Variants in DLG2 observed in about 807,000 individuals in gnomAD.
The protein encoded by DLG2 is disks large homolog 2.
A neutral mutation model predicts 132.5 loss-of-function variants in DLG2; 45 were observed. The ratio of observed to expected loss-of-function variants is 0.34; its 90% CI spans 0.27 to 0.44. The LOEUF is 0.44. Among genes scored for constraint, DLG2 ranks in the 20% least tolerant of loss-of-function variants. DLG2 has a pLI of 1.00. For synonymous variants in DLG2, 424 were observed against 419.6 expected, an observed-to-expected ratio of 1.01 and a Z score of -0.13; for missense variants, 1,045 against 1,196.9, an observed-to-expected ratio of 0.87 and a Z score of 1.87.
intron 18 of DLG2, among the ~76,000 whole-genome samples, chr11:83,667,036 A>G (rs1222203406): frequency 1.3e-5 from 2 of 152,220 alleles, no homozygotes; most frequent in East Asian, 1.9e-4. Flanking sequence ...TCAACGCTTT[A>G]TCTTTCCTTA....
intron 14 of DLG2, among the ~76,000 whole-genome samples, chr11:83,959,573 T>A (rs1458072001): frequency 1.3e-5 from 2 of 152,134 alleles, no homozygotes. Flanking sequence ...ACAACATTCG[T>A]GCATGTTAAC....
At chr11:84,034,491 T>G (rs2095806175) in intron 11 of DLG2, among the ~76,000 whole-genome samples, 1 of 152,204 alleles carries the variant, frequency 6.6e-6, no homozygotes, top group Non-Finnish European at 1.5e-5. Context: ...TCAAAAATTT[T>G]GAAGCTTTTC....
At chr11:83,700,012 A>C (rs574383623) in intron 18 of DLG2, among the ~76,000 whole-genome samples, 1 of 151,688 alleles carries the variant, frequency 6.6e-6, no homozygotes, top group East Asian at 1.9e-4. Flanking sequence ...AAGATACACA[A>C]AAACCTAAAA....
At chr11:84,374,478 A>C (rs1326055192) in intron 7 of DLG2, among the ~76,000 whole-genome samples, 4 of 152,190 alleles carry the variant, frequency 2.6e-5, no homozygotes, top group African/African-American at 7.2e-5. Flanking sequence ...GAGATTTTTT[A>C]ATCTGTGATT....
chr11:85,104,792 A>G (rs868223009), intron 6 of DLG2, among the ~76,000 whole-genome samples: 2 of 151,370 alleles, frequency 1.3e-5, no homozygotes, highest in African/African-American at 2.4e-5. Context: ...AGCACAAACA[A>G]AAAATCCCAA....
At chr11:85,117,766 G>A (rs2073835079) in intron 5 of DLG2, among the ~76,000 whole-genome samples, 1 of 151,872 alleles carries the variant, frequency 6.6e-6, no homozygotes, top group Admixed American at 6.6e-5. Context: ...TCTGGAATGT[G>A]TTCAGAATTT....
chr11:84,200,056 A>G (rs960821886), intron 8 of DLG2, among the ~76,000 whole-genome samples: 4 of 152,124 alleles, frequency 2.6e-5, no homozygotes, highest in African/African-American at 9.7e-5. Flanking sequence ...GAATAAAAAG[A>G]TATGTCACAT....
intron 4 of DLG2, among the ~76,000 whole-genome samples, chr11:85,156,818 G>A (rs1192487653): frequency 3.3e-5 from 5 of 152,136 alleles, no homozygotes; most frequent in Admixed American, 1.3e-4. Context: ...ATTGAGCTCG[G>A]CATTTCTCTT....
intron 4 of DLG2, among the ~76,000 whole-genome samples, chr11:85,248,204 G>A (rs1028238840): frequency 2.0e-5 from 3 of 152,024 alleles, no homozygotes; most frequent in South Asian, 4.1e-4. Flanking sequence ...ACGAACTGAG[G>A]CCTGGTCTTC....
chr11:83,833,666 C>T lies in DLG2; in HGVS notation c.1670G>A (p.Gly557Asp). ...EGIFVSFILA[G>D]GPADLSGELQ... ...CTCCCCACTTAGGTCTGCTGGTCCA[C>T]CAGCCAGAATGAAGGACACAAAAAT... The change falls in exon 17 of 28, where the codon GGT becomes GAT. Residue 557 changes from glycine (G) to aspartate (D), a missense_variant. Gly to Asp is a moderately conservative substitution (Grantham distance 94, BLOSUM62 -1). Around this residue, in one of 4 missense-constraint regions of DLG2, gnomAD observed 398 missense variants for 543.6 expected, o/e 0.73. Transcript: ENST00000376104. 1 of 1,614,036 alleles carries T rather than the reference C, an allele frequency of 6.2e-7. No homozygotes were observed. The highest frequency in any genetic ancestry group is 8.5e-7 in the Non-Finnish European group (1 of 1,179,970).
intron 6 of DLG2, among the ~76,000 whole-genome samples, chr11:85,026,420 T>G (rs2060515479): frequency 6.6e-6 from 1 of 152,186 alleles, no homozygotes; most frequent in Non-Finnish European, 1.5e-5. Context: ...AAAAGCATGT[T>G]AATACTATCT....
intron 16 of DLG2, among the ~76,000 whole-genome samples, chr11:83,855,018 C>T (rs960256348): frequency 9.2e-5 from 14 of 152,098 alleles, no homozygotes; most frequent in African/African-American, 2.7e-4. Flanking sequence ...GCCACAGAAC[C>T]TCAGACACCT....
intron 9 of DLG2, among the ~76,000 whole-genome samples, chr11:84,116,034 C>A (rs1408957597): frequency 1.3e-5 from 2 of 152,204 alleles, no homozygotes; most frequent in African/African-American, 4.8e-5. Flanking sequence ...TTAGAGTTCA[C>A]AGACTGGAAT....
intron 17 of DLG2, among the ~76,000 whole-genome samples, chr11:83,812,347 T>C (rs532625527): frequency 4.6e-5 from 7 of 152,096 alleles, no homozygotes; most frequent in South Asian, 4.2e-4. Context: ...CTAAGAAATA[T>C]ATTTGTCCAT....
intron 3 of DLG2, among the ~76,000 whole-genome samples, chr11:85,324,498 C>A (rs2081300575): frequency 6.6e-6 from 1 of 152,144 alleles, no homozygotes; most frequent in Non-Finnish European, 1.5e-5. Context: ...ATCTGAACAT[C>A]TGATTACTGA....
intron 16 of DLG2, among the ~76,000 whole-genome samples, chr11:83,858,137 G>A (rs954575679): frequency 3.3e-5 from 5 of 152,268 alleles, no homozygotes; most frequent in South Asian, 2.1e-4. Context: ...AATATGCAAC[G>A]TGTCTGTTTT....
At chr11:83,899,865 G>A (rs1226204315) in intron 15 of DLG2, among the ~76,000 whole-genome samples, 1 of 152,212 alleles carries the variant, frequency 6.6e-6, no homozygotes, top group African/African-American at 2.4e-5. Flanking sequence ...AATAGGCAGA[G>A]GCTGGAACAG....
At chr11:84,697,859 C>T (rs957985746) in intron 6 of DLG2, among the ~76,000 whole-genome samples, 48 of 151,438 alleles carry the variant, frequency 3.2e-4, no homozygotes, top group Admixed American at 9.2e-4. Flanking sequence ...TATGTTACAG[C>T]TAGATGGACC....
rs572332601 is a variant in DLG2, at chr11:85,146,425, A to G, written c.282+8131T>C. ...TGCTAGTGATGTTTCTTCAATGCCC[A>G]AGGGCTCTTTAGTCATCAGGTGGCA... On this transcript the variant is annotated intron_variant, in intron 5 of 27. Transcript: ENST00000376104. 2.6e-5 allele frequency among the ~76,000 whole-genome samples: 4 copies of G among 152,122 alleles called. No homozygotes were observed. The East Asian group carries it at 7.7e-4, about 29-fold the overall frequency.
Sources: gnomAD v4.1 joint callset for allele counts (sites outside exome capture counted in the v4.1 genomes callset) on GRCh38, gnomAD v4.1.1 for gene constraint, gnomAD v4.1.1 regional missense constraint, MANE v1.5 for transcripts, NCBI Gene and HGNC (gene_info 2026-07-23, HGNC 2026-07-21) for gene names.